Variants in FHIT observed in about 807,000 individuals in gnomAD.
The protein encoded by FHIT is fragile histidine triad diadenosine triphosphatase.
In FHIT, 19 loss-of-function variants were observed where a neutral mutation model predicts 17.9. The observed-to-expected ratio is 1.06, with a 90% confidence interval of 0.74 to 1.56. The LOEUF (loss-of-function observed/expected upper bound fraction) is 1.56. FHIT is among the 40% of genes most tolerant of loss of function. The pLI is 0.00. For missense variants in FHIT, 248 were observed against 189.2 expected, an observed-to-expected ratio of 1.31 and a Z score of -1.82; for synonymous variants, 81 against 69.7, an observed-to-expected ratio of 1.16 and a Z score of -0.81.
chr3:59,974,781 T>C (rs890891259), intron 7 of FHIT, among the ~76,000 whole-genome samples: 5 of 152,130 alleles, frequency 3.3e-5, no homozygotes, highest in African/African-American at 1.2e-4. Context: ...GTTGCAAAGC[T>C]ACCTAATATT....
At chr3:60,262,385 C>T (rs912384898) in intron 5 of FHIT, among the ~76,000 whole-genome samples, 5 of 151,968 alleles carry the variant, frequency 3.3e-5, no homozygotes, top group African/African-American at 1.2e-4. Context: ...TACCTGAGCC[C>T]TGTGCTTGCA....
At chr3:60,768,324 T>C (rs1206834350) in intron 4 of FHIT, among the ~76,000 whole-genome samples, 1 of 152,138 alleles carries the variant, frequency 6.6e-6, no homozygotes, top group African/African-American at 2.4e-5. Flanking sequence ...TTCTCAAACT[T>C]TTACCAGAGT....
intron 5 of FHIT, among the ~76,000 whole-genome samples, chr3:60,039,333 T>C (rs1225963781): frequency 6.6e-6 from 1 of 152,212 alleles, no homozygotes; most frequent in Non-Finnish European, 1.5e-5. Context: ...ATCTGTTTCA[T>C]ACATGGGGCT....
chr3:60,983,038 T>C (rs1209075531), intron 3 of FHIT, among the ~76,000 whole-genome samples: 1 of 152,106 alleles, frequency 6.6e-6, no homozygotes, highest in Admixed American at 6.5e-5. Flanking sequence ...AAAGTACATA[T>C]AAGCTTCTTT....
intron 7 of FHIT, among the ~76,000 whole-genome samples, chr3:59,943,031 C>A (rs749539366): frequency 1.3e-5 from 2 of 151,950 alleles, no homozygotes; most frequent in Non-Finnish European, 2.9e-5. Flanking sequence ...AATGCTGAAC[C>A]CATTATTTTG....
intron 5 of FHIT, among the ~76,000 whole-genome samples, chr3:60,048,575 A>G (rs936804797): frequency 1.3e-5 from 2 of 152,102 alleles, no homozygotes; most frequent in Non-Finnish European, 2.9e-5. Flanking sequence ...ACCACAACGC[A>G]CCCCATAACA....
intron 4 of FHIT, among the ~76,000 whole-genome samples, chr3:60,574,520 C>A (rs554074227): frequency 6.6e-6 from 1 of 152,210 alleles, no homozygotes; most frequent in East Asian, 1.9e-4. Flanking sequence ...TCAGCCCCAA[C>A]TGAAAGGGAT....
chr3:60,568,410 G>A (rs1259573363), intron 4 of FHIT, among the ~76,000 whole-genome samples: 1 of 151,698 alleles, frequency 6.6e-6, no homozygotes, highest in Non-Finnish European at 1.5e-5. Flanking sequence ...TGAACAATGA[G>A]AACACATGGA....
chr3:60,444,522 A>G (rs1223413309), intron 5 of FHIT, among the ~76,000 whole-genome samples: 2 of 152,236 alleles, frequency 1.3e-5, no homozygotes, highest in African/African-American at 2.4e-5. Context: ...CCATAAAAAA[A>G]TGATGAGTTC....
chr3:60,131,527 C>T (rs1254755436), intron 5 of FHIT, among the ~76,000 whole-genome samples: 1 of 152,126 alleles, frequency 6.6e-6, no homozygotes, highest in African/African-American at 2.4e-5. Context: ...AGAAAACTGC[C>T]TATGCTCTGT....
At chr3:60,989,469 T>C (rs2029990996) in intron 3 of FHIT, among the ~76,000 whole-genome samples, 1 of 152,196 alleles carries the variant, frequency 6.6e-6, no homozygotes, top group Non-Finnish European at 1.5e-5. Flanking sequence ...TCTTGCTACA[T>C]ATAAGACACT....
chr3:61,054,577 T>G (rs778442625), intron 2 of FHIT, among the ~76,000 whole-genome samples: 3 of 152,210 alleles, frequency 2.0e-5, no homozygotes, highest in African/African-American at 7.2e-5. Flanking sequence ...TTGTGACTCA[T>G]GGTTTTCAGA....
intron 4 of FHIT, among the ~76,000 whole-genome samples, chr3:60,537,264 C>G (rs533626002): frequency 2.6e-5 from 4 of 152,104 alleles, no homozygotes; most frequent in Non-Finnish European, 4.4e-5. Flanking sequence ...CTGCACTTCA[C>G]GGTGCCACCT....
At chr3:60,740,321 CT>C (rs2042216766) in intron 4 of FHIT, among the ~76,000 whole-genome samples, 2 of 152,146 alleles carry the variant, frequency 1.3e-5, no homozygotes, top group Admixed American at 1.3e-4. Flanking sequence ...TACGTGACCC[CT>C]GGCAATTCAT....
At chr3:60,198,602 C>A (rs981701889) in intron 5 of FHIT, among the ~76,000 whole-genome samples, 4 of 152,134 alleles carry the variant, frequency 2.6e-5, no homozygotes, top group African/African-American at 9.7e-5. Flanking sequence ...TCAGCACATT[C>A]ATTAGGACTG....
intron 8 of FHIT, among the ~76,000 whole-genome samples, chr3:59,779,602 G>A (rs1024883878): frequency 6.6e-6 from 1 of 151,784 alleles, no homozygotes; most frequent in Non-Finnish European, 1.5e-5. Context: ...CTTCTTATAA[G>A]CTAAGTTACA....
Position 61,189,584 on chromosome 3 carries a change from T to A in FHIT, c.-164+11033A>T, listed in dbSNP as rs2038644804. Among the ~76,000 whole-genome samples, 4 of 152,238 alleles carry A rather than the reference T, an allele frequency of 2.6e-5. No individual in the cohort carries two copies. The South Asian group carries it at 8.3e-4, about 31-fold the overall frequency. ...TCTTCACAGAATTGGAATAAACTAC[T>A]TTAAAGTTCATATGGAACCAAAAAC... On this transcript the variant is annotated intron_variant, in intron 2 of 9. Transcript: ENST00000492590.
At chr3:59,898,651 C>CT (rs537806274) in intron 8 of FHIT, among the ~76,000 whole-genome samples, 138 of 151,522 alleles carry the variant, frequency 9.1e-4, no homozygotes, top group African/African-American at 3.2e-3. Flanking sequence ...TTTTTTTCTT[C>CT]TTTTTTTGGT....
intron 2 of FHIT, among the ~76,000 whole-genome samples, chr3:61,066,932 C>T (rs1039123115): frequency 1.6e-4 from 24 of 152,324 alleles, no homozygotes; most frequent in African/African-American, 5.8e-4. Context: ...CCACAACTGT[C>T]CATCTGATAG....
Sources: allele counts gnomAD v4.1 joint callset (sites outside exome capture counted in the v4.1 genomes callset), GRCh38; gene constraint gnomAD v4.1.1; transcripts MANE v1.5; gene names NCBI Gene and HGNC (gene_info 2026-07-23, HGNC 2026-07-21).